The following ANKRD33B variants were observed in gnomAD, a reference collection of about 807,000 sequenced individuals.
The protein encoded by ANKRD33B is ankyrin repeat domain 33B.
Under a neutral mutation model 21.5 loss-of-function variants are expected in ANKRD33B, and 6 were observed. That is an observed-to-expected ratio of 0.28 (90% confidence interval 0.15 to 0.55). ANKRD33B has a LOEUF of 0.55. ANKRD33B is among the 20% of genes least tolerant of loss of function. The pLI is 0.94. For missense variants in ANKRD33B, 698 were observed against 747.2 expected, an observed-to-expected ratio of 0.93 and a Z score of 0.77; for synonymous variants, 347 against 342.4, an observed-to-expected ratio of 1.01 and a Z score of -0.15.
At chr5:10,611,360 C>T (rs1736168989) in intron 1 of ANKRD33B, among the ~76,000 whole-genome samples, 1 of 152,126 alleles carries the variant, frequency 6.6e-6, no homozygotes, top group Non-Finnish European at 1.5e-5. Flanking sequence ...AACTCTGATA[C>T]ACACATACCA....
Position 10,650,940 on chromosome 5 carries a change from A to C in ANKRD33B, c.*827A>C, listed in dbSNP as rs1347386004. ...CATTAAAAATAGATATGAGAAAAAA[A>C]CTGTCATTCGATAAAATGAGGCAAA... is the stretch of plus-strand genomic sequence containing the variant. On this transcript the variant is annotated 3_prime_UTR_variant, in exon 4 of 4. Transcript: ENST00000296657. The C allele has an allele frequency of 1.3e-5, 2 of 152,390 alleles. No homozygotes were observed. Among genetic ancestry groups the C allele is most frequent in the African/African-American group, 4.8e-5 (2 of 41,468 alleles). 9.4% of individuals were successfully genotyped at this position (152,390 alleles called of 1,614,324 possible). A position where few individuals can be genotyped will look rare whatever the true frequency, so the allele number is the denominator to read the frequency against.
Position 10,619,936 on chromosome 5 carries a change from G to A in ANKRD33B, c.496+1474G>A, listed in dbSNP as rs78689963. Among the ~76,000 whole-genome samples the A allele has an allele frequency of 8.9e-3, 1,353 of 152,258 alleles. 25 individuals are homozygous for A. The highest frequency in any genetic ancestry group is 0.031 in the African/African-American group (1,280 of 41,544). The stretch of plus-strand genomic sequence containing the variant: ...AGCCTGAAGTTCATGATAAGGTCTT[G>A]CAAGAAGGGGATTTGAGCTGGGGCT... On this transcript the variant is annotated intron_variant, in intron 2 of 3. Coordinates refer to ENST00000296657, the MANE Select transcript of ANKRD33B (RefSeq NM_001164440.2). This position sits in a 1 kb window ranked among gnomAD's most constrained non-coding sequence, Gnocchi z 4.5.
intron 1 of ANKRD33B, among the ~76,000 whole-genome samples, chr5:10,594,710 G>T (rs896910639): frequency 1.1e-4 from 16 of 152,142 alleles, no homozygotes; most frequent in African/African-American, 3.6e-4. Context: ...CTCCTTGAAA[G>T]AAAATGAGGT....
chr5:10,608,342 A>G lies in ANKRD33B; in HGVS notation c.367-9991A>G, dbSNP rs1161788512. Among the ~76,000 whole-genome samples, 5 of 149,908 alleles carry G rather than the reference A, an allele frequency of 3.3e-5. No individual in the cohort carries two copies. The East Asian group carries it at 9.8e-4, about 29-fold the overall frequency. On this transcript the variant is annotated intron_variant, in intron 1 of 3. Transcript: ENST00000296657. ...CACTGCACTCCAGCCTAGGCAACAG[A>G]GCGAGACTCCATCTAAAAAAAAAAA...
rs1029030635 is a variant in ANKRD33B, at chr5:10,655,028, T to C, written c.*4915T>C. The C allele has an allele frequency of 5.3e-5, 8 of 152,326 alleles. No homozygotes were observed. Among genetic ancestry groups the C allele is most frequent in the African/African-American group, 1.9e-4 (8 of 41,432 alleles). 9.4% of individuals were successfully genotyped at this position (152,326 alleles called of 1,614,324 possible). ...ACTGGAGACCTCAGGACTATGGAGATCAGAATTGTAATGGCTTTGTCATCT... is the reference window on the plus strand; with the variant it reads ...ACTGGAGACCTCAGGACTATGGAGACCAGAATTGTAATGGCTTTGTCATCT... On this transcript the variant is annotated 3_prime_UTR_variant, in exon 4 of 4. Coordinates refer to ENST00000296657, the MANE Select transcript of ANKRD33B (RefSeq NM_001164440.2).
chr5:10,629,158 C>T (rs1736647922), intron 2 of ANKRD33B, among the ~76,000 whole-genome samples: 1 of 152,126 alleles, frequency 6.6e-6, no homozygotes, highest in Non-Finnish European at 1.5e-5. Context: ...GTTGGTGTCA[C>T]CGTGCTGCTG....
At chr5:10,583,606 T>A (rs1319128462) in intron 1 of ANKRD33B, among the ~76,000 whole-genome samples, 2 of 152,166 alleles carry the variant, frequency 1.3e-5, no homozygotes, top group Non-Finnish European at 2.9e-5. Flanking sequence ...TTGTTGGAGT[T>A]GTGAACCTGA....
chr5:10,618,570 A>G, intron 2 of ANKRD33B, 108 bp downstream of exon 2: 1 of 1,386,444 alleles, frequency 7.2e-7, no homozygotes. Context: ...ATCAGAGACC[A>G]TGTCCTGCTA....
chr5:10,606,790 G>C (rs568522349), intron 1 of ANKRD33B, among the ~76,000 whole-genome samples: 2 of 150,822 alleles, frequency 1.3e-5, no homozygotes, highest in African/African-American at 4.9e-5. Context: ...GGGCAGTGGC[G>C]CAATCTCAGC....
chr5:10,630,459 G>A (rs1021177696), intron 2 of ANKRD33B, among the ~76,000 whole-genome samples: 3 of 152,210 alleles, frequency 2.0e-5, no homozygotes, highest in African/African-American at 4.8e-5. Context: ...ACTAGACAGA[G>A]AACTGGGAAG....
At chr5:10,596,225 G>A (rs563107970) in intron 1 of ANKRD33B, among the ~76,000 whole-genome samples, 3 of 152,200 alleles carry the variant, frequency 2.0e-5, no homozygotes, top group Non-Finnish European at 2.9e-5. Context: ...TACACAGGCA[G>A]TGTGCCATGC....
At chr5:10,632,896 T>G (rs1485378832) in intron 2 of ANKRD33B, among the ~76,000 whole-genome samples, 1 of 152,214 alleles carries the variant, frequency 6.6e-6, no homozygotes, top group Non-Finnish European at 1.5e-5. Context: ...CAAGTGATTC[T>G]CCTGCCTCAG....
intron 1 of ANKRD33B, among the ~76,000 whole-genome samples, chr5:10,611,494 G>A (rs1007658022): frequency 9.2e-5 from 14 of 152,126 alleles, no homozygotes; most frequent in African/African-American, 3.1e-4. Flanking sequence ...TGCATGGAAC[G>A]TTCCATGGGA....
Position 10,649,413 on chromosome 5 carries a change from A to G in ANKRD33B, c.785A>G (p.Glu262Gly). The change falls in exon 4 of 4, where the codon GAG becomes GGG. Residue 262 changes from glutamate to glycine, a missense_variant. Physicochemically the swap from Glu to Gly is moderately conservative, Grantham distance 98. This residue lies in a region of ANKRD33B where 543 missense variants were observed against 566.5 expected (regional missense o/e 0.96). Transcript: ENST00000296657. Reference protein sequence around the residue: ...PEQFWEKYRPELPPPPEAARK... With the variant: ...PEQFWEKYRPGLPPPPEAARK... ...CAGTTCTGGGAGAAGTACCGGCCCG[A>G]GCTGCCGCCGCCCCCTGAAGCGGCG... is the stretch of plus-strand genomic sequence containing the variant. 3 of 1,535,384 alleles carry G rather than the reference A, an allele frequency of 2.0e-6. No homozygotes were observed. Among genetic ancestry groups the G allele is most frequent in the Non-Finnish European group, 2.6e-6 (3 of 1,146,544 alleles).
chr5:10,613,855 G>A (rs973673632), intron 1 of ANKRD33B, among the ~76,000 whole-genome samples: 3 of 151,176 alleles, frequency 2.0e-5, no homozygotes, highest in Non-Finnish European at 2.9e-5. Context: ...AGCCGAGATC[G>A]TGTCAGTGCC....
intron 3 of ANKRD33B, among the ~76,000 whole-genome samples, chr5:10,644,712 A>C (rs1156901833): frequency 6.6e-6 from 1 of 152,238 alleles, no homozygotes; most frequent in African/African-American, 2.4e-5. Context: ...TTATAAGGAA[A>C]ACTTAAATTT....
At chr5:10,569,814 C>A (rs1735138149) in intron 1 of ANKRD33B, among the ~76,000 whole-genome samples, 1 of 152,060 alleles carries the variant, frequency 6.6e-6, no homozygotes. Flanking sequence ...TTCTGCTGAC[C>A]GTGGTGGGGA....
chr5:10,645,798 C>G lies in ANKRD33B; in HGVS notation c.638-3468C>G, dbSNP rs1295201594. 2.6e-5 allele frequency among the ~76,000 whole-genome samples: 4 copies of G among 152,174 alleles called. No individual in the cohort carries two copies. In the East Asian group the frequency reaches 5.8e-4, roughly 22 times the overall value. On this transcript the variant is annotated intron_variant, in intron 3 of 3. Coordinates refer to ENST00000296657, the MANE Select transcript of ANKRD33B (RefSeq NM_001164440.2). ...CAGTCACCAGTGCTGGGTTGCTTGG[C>G]TACTTTTAGCTGTAAGGGAGGCTGG...
At chr5:10,585,641 A>G (rs1735538552) in intron 1 of ANKRD33B, among the ~76,000 whole-genome samples, 1 of 152,224 alleles carries the variant, frequency 6.6e-6, no homozygotes, top group South Asian at 2.1e-4. Context: ...TGTGGCTAAC[A>G]GGTGTGCTGG....
Sources: allele counts gnomAD v4.1 joint callset (sites outside exome capture counted in the v4.1 genomes callset), GRCh38; gene constraint gnomAD v4.1.1; regional missense constraint gnomAD v4.1.1; non-coding constraint Gnocchi (gnomAD v3.1); transcripts MANE v1.5; gene names NCBI Gene and HGNC (gene_info 2026-07-23, HGNC 2026-07-21).